CWC27: variants seen among roughly 807,000 people sequenced by gnomAD.
The protein encoded by CWC27 is spliceosome-associated protein CWC27 homolog.
In CWC27, 47 loss-of-function variants were observed where a neutral mutation model predicts 63.6. The ratio of observed to expected loss-of-function variants is 0.74; its 90% CI spans 0.58 to 0.94. CWC27 has a LOEUF of 0.94. CWC27 is among the 40% of genes least tolerant of loss of function. CWC27 has a pLI of 0.00. For synonymous variants in CWC27, 175 were observed against 179.8 expected, an observed-to-expected ratio of 0.97 and a Z score of 0.22; for missense variants, 495 against 554.3, an observed-to-expected ratio of 0.89 and a Z score of 1.07.
At chr5:64,887,883 T>C (rs1346862939) in intron 11 of CWC27, among the ~76,000 whole-genome samples, 1 of 152,132 alleles carries the variant, frequency 6.6e-6, no homozygotes, top group Non-Finnish European at 1.5e-5. Flanking sequence ...AAAAAGGTAA[T>C]CCATAATGTA....
At chr5:64,862,696 T>A (rs11737964) in intron 10 of CWC27, among the ~76,000 whole-genome samples, 55,240 of 151,988 alleles carry the variant, frequency 0.36, 10,625 homozygotes, top group East Asian at 0.51. Context: ...CATGTTGAAT[T>A]TTTTTTAGTC....
intron 11 of CWC27, among the ~76,000 whole-genome samples, chr5:64,956,268 T>C (rs2112429503): frequency 6.6e-6 from 1 of 152,254 alleles, no homozygotes; most frequent in African/African-American, 2.4e-5. Flanking sequence ...AGATATAAAA[T>C]GTGGCTGCTC....
At chr5:64,959,819 A>T (rs1748872085) in intron 11 of CWC27, among the ~76,000 whole-genome samples, 1 of 152,208 alleles carries the variant, frequency 6.6e-6, no homozygotes, top group Non-Finnish European at 1.5e-5. Flanking sequence ...TTGTCCATTC[A>T]GCTACTATTT....
At chr5:64,974,847 GTTTTC>G (rs1749198670) in intron 12 of CWC27, among the ~76,000 whole-genome samples, 2 of 152,066 alleles carry the variant, frequency 1.3e-5, no homozygotes, top group African/African-American at 4.8e-5. Context: ...ACAGTAATCT[GTTTTC>G]TTATTAATAA....
intron 11 of CWC27, among the ~76,000 whole-genome samples, chr5:64,955,861 A>G (rs981513538): frequency 3.3e-5 from 5 of 152,100 alleles, no homozygotes; most frequent in Non-Finnish European, 5.9e-5. Flanking sequence ...TTACCAGGAT[A>G]TTTTCCAAAG....
chr5:64,835,633 G>A (rs1031992114), intron 10 of CWC27, among the ~76,000 whole-genome samples: 2 of 151,704 alleles, frequency 1.3e-5, no homozygotes, highest in Non-Finnish European at 3.0e-5. Context: ...CAAGTTTTTG[G>A]TATAACTTAA....
chr5:64,893,772 T>G (rs1381367240), intron 11 of CWC27, among the ~76,000 whole-genome samples: 1 of 152,220 alleles, frequency 6.6e-6, no homozygotes, highest in African/African-American at 2.4e-5. Flanking sequence ...TAAGTTTGTT[T>G]AAAACATTAT....
chr5:64,860,764 T>C lies in CWC27; in HGVS notation c.939-24679T>C, dbSNP rs577550747. 3.9e-5 allele frequency among the ~76,000 whole-genome samples: 6 copies of C among 152,354 alleles called. No homozygotes were observed. In the East Asian group the frequency reaches 7.7e-4, roughly 20 times the overall value. ...AAGTACTTTGGTCCAACTCTTTATC[T>C]GCAGAGTTTGAAATATTAATGAATT... On this transcript the variant is annotated intron_variant, in intron 10 of 13. Coordinates refer to ENST00000381070, the MANE Select transcript of CWC27 (RefSeq NM_005869.4).
At chr5:64,862,376 A>G (rs758956111) in intron 10 of CWC27, among the ~76,000 whole-genome samples, 2 of 151,842 alleles carry the variant, frequency 1.3e-5, no homozygotes, top group Non-Finnish European at 2.9e-5. Flanking sequence ...TCAAAAACAA[A>G]CAAAACCCTA....
chr5:64,940,336 A>G (rs1748448468), intron 11 of CWC27, among the ~76,000 whole-genome samples: 1 of 152,154 alleles, frequency 6.6e-6, no homozygotes, highest in South Asian at 2.1e-4. Context: ...CTCACGGCAC[A>G]GTCCCTCAGG....
At chr5:64,794,219 ACT>A (rs1472863446) in intron 7 of CWC27, among the ~76,000 whole-genome samples, 3 of 152,044 alleles carry the variant, frequency 2.0e-5, no homozygotes, top group South Asian at 2.1e-4. Context: ...AAATTGTGAG[ACT>A]CTCTCATGAT....
At chr5:64,846,410 A>C (rs1267650093) in intron 10 of CWC27, among the ~76,000 whole-genome samples, 1 of 152,256 alleles carries the variant, frequency 6.6e-6, no homozygotes, top group South Asian at 2.1e-4. Context: ...GGGGGTATGA[A>C]AAAGTATAGA....
chr5:64,780,686 C>CGT (rs1198547722), intron 2 of CWC27, among the ~76,000 whole-genome samples: 8 of 41,174 alleles, frequency 1.9e-4, no homozygotes, highest in Non-Finnish European at 4.4e-4. Context: ...TGTATACACA[C>CGT]GCGCACACGC....
At chr5:64,954,052 T>C (rs1354263851) in intron 11 of CWC27, among the ~76,000 whole-genome samples, 1 of 152,214 alleles carries the variant, frequency 6.6e-6, no homozygotes, top group African/African-American at 2.4e-5. Context: ...TTATCAAATG[T>C]GAGATAGTGT....
intron 10 of CWC27, 26 bp downstream of exon 10, chr5:64,804,412 C>A: frequency 6.5e-7 from 1 of 1,550,102 alleles, no homozygotes. Context: ...TGCTAGATAT[C>A]AGAGTTTTTG....
chr5:64,769,259 G>GA, intron 1 of CWC27, 71 bp downstream of exon 1: 1 of 1,429,856 alleles, frequency 7.0e-7, no homozygotes, highest in South Asian at 1.1e-5. Flanking sequence ...TTGGGGTGGG[G>GA]AGTGGGTTTC....
At chr5:65,004,478 A>G (rs951164584) in intron 13 of CWC27, among the ~76,000 whole-genome samples, 1 of 137,058 alleles carries the variant, frequency 7.3e-6, no homozygotes, top group African/African-American at 2.8e-5. Flanking sequence ...AATCTAGTCT[A>G]TTGTTGAAGC....
chr5:64,966,430 G>C (rs1409344986), intron 11 of CWC27, among the ~76,000 whole-genome samples: 1 of 152,118 alleles, frequency 6.6e-6, no homozygotes, highest in Non-Finnish European at 1.5e-5. Flanking sequence ...GAATGAGATA[G>C]TAATAATAGT....
At chr5:64,850,423 A>G (rs991545062) in intron 10 of CWC27, among the ~76,000 whole-genome samples, 1 of 152,216 alleles carries the variant, frequency 6.6e-6, no homozygotes, top group South Asian at 2.1e-4. Flanking sequence ...ACAAAAATCA[A>G]CACTAAATAA....
Sources: gnomAD v4.1 joint callset for allele counts (sites outside exome capture counted in the v4.1 genomes callset) on GRCh38, gnomAD v4.1.1 for gene constraint, MANE v1.5 for transcripts, NCBI Gene and HGNC (gene_info 2026-07-23, HGNC 2026-07-21) for gene names.